Variants in TMCC3 observed in about 807,000 individuals in gnomAD.
TMCC3 encodes transmembrane and coiled-coil domain protein 3.
A neutral mutation model predicts 40.2 loss-of-function variants in TMCC3; 28 were observed. The observed-to-expected ratio is 0.70, with a 90% CI of 0.52 to 0.95. The LOEUF (loss-of-function observed/expected upper bound fraction) is 0.95. Ranked by LOEUF, TMCC3 falls within the 40% of genes least tolerant of loss-of-function variation. The pLI is 0.00. For synonymous variants in TMCC3, 255 were observed against 248.5 expected (o/e 1.03, Z -0.25); for missense variants, 554 against 615.2 (o/e 0.90, Z 1.05).
At chr12:94,636,331 A>G (rs1191302669) in intron 1 of TMCC3, among the ~76,000 whole-genome samples, 1 of 152,256 alleles carries the variant, frequency 6.6e-6, no homozygotes, top group African/African-American at 2.4e-5. Flanking sequence ...CCATTCTAAG[A>G]ATGATACAAA....
intron 1 of TMCC3, among the ~76,000 whole-genome samples, chr12:94,602,853 G>T (rs981475452): frequency 6.6e-6 from 1 of 152,134 alleles, no homozygotes; most frequent in African/African-American, 2.4e-5. Flanking sequence ...GAAGACAACT[G>T]AACTAGATCA....
At chr12:94,607,200 C>G (rs1045679480) in intron 1 of TMCC3, among the ~76,000 whole-genome samples, 12 of 152,208 alleles carry the variant, frequency 7.9e-5, no homozygotes, top group African/African-American at 2.7e-4. Flanking sequence ...CGCAGGCAGT[C>G]AGAACTTATG....
chr12:94,577,160 A>G (rs1250374328), intron 3 of TMCC3, among the ~76,000 whole-genome samples: 1 of 152,118 alleles, frequency 6.6e-6, no homozygotes, highest in African/African-American at 2.4e-5. Flanking sequence ...AATTTCTTAC[A>G]AATACGAATG....
Position 94,582,097 on chromosome 12 carries a change from A to G in TMCC3, c.520T>C (p.Ser174Pro), listed in dbSNP as rs2068606742. Residue 174 changes from serine to proline, a missense_variant, in exon 2 of 4, where the codon TCT becomes CCT. Coordinates refer to ENST00000261226, the MANE Select transcript of TMCC3 (RefSeq NM_020698.4). ...HRSLKDAHVKSRTAPHCMESS... is the reference protein window; with the variant it reads ...HRSLKDAHVKPRTAPHCMESS... Reference sequence around the variant, plus strand: ...TCCATGCAATGGGGGGCAGTTCGAGATTTCACGTGGGCATCTTTCAAAGAG... The same window carrying G: ...TCCATGCAATGGGGGGCAGTTCGAGGTTTCACGTGGGCATCTTTCAAAGAG... 3.1e-6 allele frequency: 5 copies of G among 1,613,958 alleles called. No individual in the cohort carries two copies. In the South Asian group the frequency reaches 5.5e-5, roughly 18 times the overall value.
At chr12:94,630,359 T>C (rs1053682823) in intron 1 of TMCC3, among the ~76,000 whole-genome samples, 20 of 151,926 alleles carry the variant, frequency 1.3e-4, no homozygotes, top group African/African-American at 4.6e-4. Flanking sequence ...CGGGCCTACA[T>C]TTAGGTTTTT....
intron 1 of TMCC3, among the ~76,000 whole-genome samples, chr12:94,605,081 T>C (rs2068775339): frequency 1.3e-5 from 2 of 151,888 alleles, no homozygotes; most frequent in South Asian, 4.2e-4. Flanking sequence ...GAAAAAGAGG[T>C]GCATGGCAAG....
intron 1 of TMCC3, among the ~76,000 whole-genome samples, chr12:94,583,846 A>T (rs918378205): frequency 6.6e-6 from 1 of 152,190 alleles, no homozygotes; most frequent in African/African-American, 2.4e-5. Context: ...ATGTTCCTGG[A>T]GGATGAAAAA....
intron 1 of TMCC3, among the ~76,000 whole-genome samples, chr12:94,623,874 C>A (rs1321695623): frequency 6.6e-6 from 1 of 152,190 alleles, no homozygotes; most frequent in South Asian, 2.1e-4. Flanking sequence ...GCCATGCAAA[C>A]CACAACAGTT....
intron 1 of TMCC3, among the ~76,000 whole-genome samples, chr12:94,606,560 A>G (rs980319280): frequency 3.3e-5 from 5 of 151,772 alleles, no homozygotes; most frequent in Non-Finnish European, 7.4e-5. Flanking sequence ...AGAGATGGGT[A>G]TCGGGGGAAC....
In TMCC3 at chr12:94,634,733, T is replaced by C. The variant is rs138299476; in HGVS notation, c.78+15620A>G. 4.4e-3 allele frequency among the ~76,000 whole-genome samples: 663 copies of C among 152,354 alleles called. 4 individuals carry two copies. The highest frequency in any genetic ancestry group is 0.015 in the African/African-American group (625 of 41,584). ...CCAGGTAGGGCATAAATGAGCCACC[T>C]GAATGAAAGAGACTCACTTTAATTT... is the stretch of plus-strand genomic sequence containing the variant. On this transcript the variant is annotated intron_variant, in intron 1 of 3. Transcript: ENST00000261226.
rs757102153 is a variant in TMCC3 at position 94,626,854 on chromosome 12, ATTGTTTGT to A, written c.78+23491_78+23498del. Among the ~76,000 whole-genome samples the A allele has an allele frequency of 1.3e-4, 19 of 151,992 alleles. No individual in the cohort carries two copies. In the South Asian group the frequency reaches 3.7e-3, roughly 30 times the overall value. On this transcript the variant is annotated intron_variant, in intron 1 of 3. Coordinates refer to ENST00000261226, the MANE Select transcript of TMCC3 (RefSeq NM_020698.4). Reference sequence around the variant, plus strand: ...TTAATTTGTTTTTGTTGTTGTTGTTATTGTTTGTTTGTTTGTTTGTTTTGACAGGGTCT... The same window carrying A: ...TTAATTTGTTTTTGTTGTTGTTGTTATTGTTTGTTTGTTTTGACAGGGTCT...
intron 1 of TMCC3, among the ~76,000 whole-genome samples, chr12:94,646,499 C>A (rs2069019510): frequency 7.5e-6 from 1 of 132,612 alleles, no homozygotes; most frequent in South Asian, 2.3e-4. Context: ...AGTGCAATGG[C>A]ACGATCTCAG....
chr12:94,583,445 A>C lies in TMCC3; in HGVS notation c.79-907T>G, dbSNP rs191198265. Among the ~76,000 whole-genome samples the C allele has an allele frequency of 1.4e-4, 21 of 151,480 alleles. 1 individual carries two copies. The highest frequency in any genetic ancestry group is 4.6e-4 in the Admixed American group (7 of 15,236). ...CTTGAACCCGGAAGGTGGAGGTTGC[A>C]GTGAGCCGAGATCACACCACTGTAC... On this transcript the variant is annotated intron_variant, in intron 1 of 3. Coordinates refer to ENST00000261226, the MANE Select transcript of TMCC3 (RefSeq NM_020698.4).
chr12:94,614,229 G>A lies in TMCC3; in HGVS notation c.79-31691C>T, dbSNP rs569153396. 2.7e-4 allele frequency among the ~76,000 whole-genome samples: 41 copies of A among 151,892 alleles called. 1 individual carries two copies. Among genetic ancestry groups the A allele is most frequent in the Admixed American group, 2.0e-3 (31 of 15,234 alleles). ...TTATCTCTGGCTCTATACTTAACTC[G>A]TTGGGTAATAATGTTAAAATCTAAA... is the stretch of plus-strand genomic sequence containing the variant. On this transcript the variant is annotated intron_variant, in intron 1 of 3. Transcript: ENST00000261226.
rs190297702 is a variant in TMCC3, at chr12:94,576,926, C to T, written c.1131+1468G>A. 3.9e-5 allele frequency among the ~76,000 whole-genome samples: 6 copies of T among 152,246 alleles called. No homozygotes were observed. In the East Asian group the frequency reaches 9.6e-4, roughly 24 times the overall value. On this transcript the variant is annotated intron_variant, in intron 3 of 3. Transcript: ENST00000261226. ...CCACCCAGATCCTACCCATTCCTTC[C>T]AGTCCCGCCTTCTCTAGGACATTCA...
chr12:94,567,274 CTAAG>C lies in TMCC3; in HGVS notation c.*4157_*4160del, dbSNP rs1400398599. 6.6e-6 allele frequency: 1 copy of C among 152,198 alleles called. No individual in the cohort carries two copies. Among genetic ancestry groups the C allele is most frequent in the Non-Finnish European group, 1.5e-5 (1 of 68,044 alleles). 9.4% of individuals were successfully genotyped at this position (152,198 alleles called of 1,614,324 possible). On this transcript the variant is annotated 3_prime_UTR_variant, in exon 4 of 4. Transcript: ENST00000261226. ...TTTACAATTTTAGGCTGACATGAAA[CTAAG>C]TAGTAACTCACAAAATGGAAATTCT...
chr12:94,624,180 G>C (rs1450398113), intron 1 of TMCC3, among the ~76,000 whole-genome samples: 1 of 152,208 alleles, frequency 6.6e-6, no homozygotes, highest in East Asian at 1.9e-4. Flanking sequence ...TACACTGGTA[G>C]TGGGAATATA....
In TMCC3 at chr12:94,577,710, G is replaced by A. The variant is rs576387095; in HGVS notation, c.1131+684C>T. ...CTGTCTTGAGTTCTTTGGCAGTTGC[G>A]CTATCCCACACTCTCCACCTAGGCA... On this transcript the variant is annotated intron_variant, in intron 3 of 3. Transcript: ENST00000261226. Among the ~76,000 whole-genome samples the A allele has an allele frequency of 1.6e-4, 24 of 152,216 alleles. No individual in the cohort carries two copies. In the East Asian group the frequency reaches 2.3e-3, roughly 15 times the overall value.
At chr12:94,607,906 AAAATTTATTT>A (rs1200994390) in intron 1 of TMCC3, among the ~76,000 whole-genome samples, 1 of 152,212 alleles carries the variant, frequency 6.6e-6, no homozygotes, top group Non-Finnish European at 1.5e-5. Context: ...TTGATGAACT[AAAATTTATTT>A]GATTTCTATA....
Sources: gnomAD v4.1 joint callset for allele counts (sites outside exome capture counted in the v4.1 genomes callset) on GRCh38, gnomAD v4.1.1 for gene constraint, MANE v1.5 for transcripts, NCBI Gene and HGNC (gene_info 2026-07-23, HGNC 2026-07-21) for gene names.